ERICH3: variants seen among roughly 807,000 people sequenced by gnomAD.
The protein encoded by ERICH3 is glutamate-rich protein 3.
A neutral mutation model predicts 131.1 loss-of-function variants in ERICH3; 126 were observed. The observed-to-expected ratio is 0.96, with a 90% CI of 0.83 to 1.11. The LOEUF is 1.11. Ranked by LOEUF, ERICH3 falls within the 50% of genes most tolerant of loss-of-function variation. The pLI is 0.00. For synonymous variants in ERICH3, 695 were observed against 644.6 expected (o/e 1.08, Z -1.18); for missense variants, 2,050 against 1,810.7 (o/e 1.13, Z -2.40).
chr1:74,608,544 C>T (rs951302964), intron 9 of ERICH3, among the ~76,000 whole-genome samples: 15 of 151,944 alleles, frequency 9.9e-5, no homozygotes, highest in African/African-American at 3.1e-4. Flanking sequence ...CCATCTGCAG[C>T]GTAGAAATAG....
At chr1:74,609,359 T>C (rs1197535722) in intron 9 of ERICH3, among the ~76,000 whole-genome samples, 2 of 152,106 alleles carry the variant, frequency 1.3e-5, no homozygotes, top group African/African-American at 4.8e-5. Flanking sequence ...TTTCTGGGAC[T>C]GGTATTTTTT....
chr1:74,597,037 C>T (rs1049676963), intron 11 of ERICH3, among the ~76,000 whole-genome samples: 3 of 152,020 alleles, frequency 2.0e-5, no homozygotes, highest in Non-Finnish European at 4.4e-5. Context: ...CAGCAAGATT[C>T]TTAATCATGT....
At position 74,569,856 on chromosome 1, in the gene ERICH3, A is replaced by G. The variant is rs1646915472; in HGVS notation, c.*602T>C. On this transcript the variant is annotated 3_prime_UTR_variant, in exon 15 of 15. Coordinates refer to ENST00000326665, the MANE Select transcript of ERICH3 (RefSeq NM_001002912.5). ...TGTTATTCTGGCATAAATTAAAAGA[A>G]TGAATATTTCTAAGTATAAGTGAAT... is the stretch of plus-strand genomic sequence containing the variant. 1 of 152,230 alleles carries G rather than the reference A, an allele frequency of 6.6e-6. No individual in the cohort carries two copies. Among genetic ancestry groups the G allele is most frequent in the Non-Finnish European group, 1.5e-5 (1 of 68,028 alleles). 9.4% of individuals were successfully genotyped at this position (152,230 alleles called of 1,614,324 possible).
chr1:74,614,140 A>G (rs959469868), intron 8 of ERICH3, among the ~76,000 whole-genome samples: 1 of 152,100 alleles, frequency 6.6e-6, no homozygotes, highest in East Asian at 1.9e-4. Context: ...AACAAGTTTC[A>G]GGTGATGCTG....
Position 74,636,420 on chromosome 1 carries a change from T to C in ERICH3, c.463A>G (p.Thr155Ala). 6.2e-7 allele frequency: 1 copy of C among 1,611,126 alleles called. No homozygotes were observed. The highest frequency in any genetic ancestry group is 8.5e-7 in the Non-Finnish European group (1 of 1,178,272). ...PLALTAPRPYTAPGNMQPPIR... is the reference protein window; with the variant it reads ...PLALTAPRPYAAPGNMQPPIR... ...GGAGGCTGCATATTTCCTGGAGCAG[T>C]ATATGGTCGAGGGGCTGTCTAGACA... The change falls in exon 6 of 15, where the codon ACT (threonine) becomes GCT (alanine). Residue 155 changes from threonine (T) to alanine (A), a missense_variant. Thr to Ala is a moderately conservative substitution (Grantham distance 58, BLOSUM62 0). Transcript: ENST00000326665.
chr1:74,568,743 T>G lies in ERICH3; in HGVS notation c.*1715A>C, dbSNP rs1489338251. ...GAAGACAGGAAAAGACAGAGAGACA[T>G]AGAGAGGCAAAGAAAGAAAGTTCAA... is the stretch of plus-strand genomic sequence containing the variant. On this transcript the variant is annotated 3_prime_UTR_variant, in exon 15 of 15. Transcript: ENST00000326665. 2 of 152,032 alleles carry G rather than the reference T, an allele frequency of 1.3e-5. No individual in the cohort carries two copies. The highest frequency in any genetic ancestry group is 2.9e-5 in the Non-Finnish European group (2 of 67,992). 9.4% of individuals were successfully genotyped at this position (152,032 alleles called of 1,614,324 possible).
At chr1:74,639,591 G>A (rs975437229) in intron 5 of ERICH3, among the ~76,000 whole-genome samples, 2 of 152,078 alleles carry the variant, frequency 1.3e-5, no homozygotes, top group African/African-American at 4.8e-5. Context: ...TAACTACCTG[G>A]TGATTACTTA....
At chr1:74,671,840 G>A (rs909768563) in intron 1 of ERICH3, among the ~76,000 whole-genome samples, 1 of 152,146 alleles carries the variant, frequency 6.6e-6, no homozygotes, top group Non-Finnish European at 1.5e-5. Context: ...GTTTTATTTT[G>A]TTCTGAACAC....
intron 2 of ERICH3, among the ~76,000 whole-genome samples, chr1:74,648,185 G>A (rs1457379048): frequency 1.3e-5 from 2 of 152,094 alleles, no homozygotes; most frequent in Non-Finnish European, 2.9e-5. Context: ...TACAACCAGT[G>A]TTCAGTAAGT....
Position 74,589,767 on chromosome 1 carries a change from AATCT to A in ERICH3, c.2036_2039del (p.Glu679ValfsTer33). ...CGGACTTCTCAGATAAACCCTCTGCAATCTCTTGGGTTCCTTTCTCCGTTCCTTC... is the reference window on the plus strand; with the variant it reads ...CGGACTTCTCAGATAAACCCTCTGCACTTGGGTTCCTTTCTCCGTTCCTTC... On this transcript the variant is annotated frameshift_variant, in exon 12 of 15. Transcript: ENST00000326665. LOFTEE classifies it high-confidence loss of function. 6.2e-7 allele frequency: 1 copy of A among 1,614,074 alleles called. No homozygotes were observed. The highest frequency in any genetic ancestry group is 8.5e-7 in the Non-Finnish European group (1 of 1,179,970).
chr1:74,600,001 T>TTAGA, intron 10 of ERICH3, 70 bp from the exon 11 acceptor site: 3 of 1,114,278 alleles, frequency 2.7e-6, no homozygotes, highest in East Asian at 2.4e-5. Context: ...TTCTCTCTAA[T>TTAGA]GAGAACTTTG....
intron 3 of ERICH3, among the ~76,000 whole-genome samples, chr1:74,643,684 C>T (rs1646455610): frequency 1.3e-5 from 2 of 152,090 alleles, no homozygotes; most frequent in African/African-American, 4.8e-5. Flanking sequence ...ATTATTTCTT[C>T]TTGAACAACT....
In ERICH3 at chr1:74,606,476, G is replaced by C. The variant is rs557690742; in HGVS notation, c.1489+125C>G. The stretch of plus-strand genomic sequence containing the variant: ...AAAACAGCAAAGGAAGGAGGTCAGG[G>C]GCACCCCACATGTAACACAGCTGGG... On this transcript the variant is annotated intron_variant, in intron 10 of 14. Transcript: ENST00000326665. 3.1e-6 allele frequency: 3 copies of C among 977,072 alleles called. No individual in the cohort carries two copies. In the East Asian group the frequency reaches 7.6e-5, roughly 25 times the overall value. 60.5% of individuals were successfully genotyped at this position (977,072 alleles called of 1,614,324 possible).
intron 10 of ERICH3, among the ~76,000 whole-genome samples, chr1:74,604,193 T>C (rs1180981042): frequency 6.6e-6 from 1 of 151,914 alleles, no homozygotes; most frequent in African/African-American, 2.4e-5. Flanking sequence ...TGTTCATCCC[T>C]AAGAAGCAAC....
chr1:74,603,194 C>A (rs1406979215), intron 10 of ERICH3, among the ~76,000 whole-genome samples: 1 of 151,874 alleles, frequency 6.6e-6, no homozygotes. Context: ...ATGAGGGACA[C>A]AAAGCAGCTC....
At chr1:74,655,993 C>CT (rs1420504419) in intron 1 of ERICH3, among the ~76,000 whole-genome samples, 1 of 152,152 alleles carries the variant, frequency 6.6e-6, no homozygotes, top group Non-Finnish European at 1.5e-5. Flanking sequence ...AGTTCCTTCA[C>CT]TTTTTTTCTG....
In ERICH3 at chr1:74,606,886, C is replaced by G. The variant is rs759265466; in HGVS notation, c.1204G>C (p.Gly402Arg). Residue 402 changes from glycine to arginine, a missense_variant, in exon 10 of 15, where the codon GGC becomes CGC. Physicochemically the swap from Gly to Arg is moderately radical, Grantham distance 125 (BLOSUM62 -2). Transcript: ENST00000326665. Reference protein sequence around the residue: ...SPCYKCIIAMGLDKKPSLPKS... With the variant: ...SPCYKCIIAMRLDKKPSLPKS... ...GGCAAAGACGGTTTTTTGTCAAGGC[C>G]CATTGCAATAATGCACCTATGAAAA... 110 of 1,611,428 alleles carry G rather than the reference C, an allele frequency of 6.8e-5. No individual in the cohort carries two copies. The highest frequency in any genetic ancestry group is 8.7e-5 in the Non-Finnish European group (102 of 1,178,818).
intron 1 of ERICH3, among the ~76,000 whole-genome samples, chr1:74,660,197 T>A (rs1467768479): frequency 6.6e-6 from 1 of 152,060 alleles, no homozygotes; most frequent in East Asian, 1.9e-4. Context: ...AGGAAGGACA[T>A]GTTTGGTTCC....
intron 7 of ERICH3, among the ~76,000 whole-genome samples, chr1:74,629,472 C>T (rs1333420155): frequency 6.6e-6 from 1 of 152,088 alleles, no homozygotes; most frequent in African/African-American, 2.4e-5. Flanking sequence ...CCTGATGACA[C>T]CATGCTGTGC....
Sources: allele counts gnomAD v4.1 joint callset (sites outside exome capture counted in the v4.1 genomes callset), GRCh38; gene constraint gnomAD v4.1.1; transcripts MANE v1.5; gene names NCBI Gene and HGNC (gene_info 2026-07-23, HGNC 2026-07-21).